The following ZSCAN12 variants were observed in gnomAD, a reference collection of about 807,000 sequenced individuals.
ZSCAN12 encodes the protein zinc finger and SCAN domain containing 12.
ZSCAN12 carries 18 observed loss-of-function variants against 23.4 expected under a neutral mutation model. The observed-to-expected ratio is 0.77, with a 90% confidence interval of 0.53 to 1.14. ZSCAN12 has a LOEUF of 1.14. Ranked by LOEUF, ZSCAN12 falls within the 50% of genes most tolerant of loss-of-function variation. The pLI is 0.00. For synonymous variants in ZSCAN12, 186 were observed against 253.4 expected (o/e 0.73, Z 2.53); for missense variants, 650 against 735.0 (o/e 0.88, Z 1.34).
chr6:28,390,858 A>G lies in ZSCAN12; in HGVS notation c.1432T>C (p.Phe478Leu), dbSNP rs1760785792. The change falls in exon 4 of 4, where the codon TTT becomes CTT. Residue 478 changes from phenylalanine to leucine, a missense_variant. Physicochemically the swap from Phe to Leu is conservative, Grantham distance 22. Transcript: ENST00000684592. The part of the protein sequence containing the change: ...PYKCDVCEKA[F>L]IQRTSLTEHQ... ...TCTGTAAGACTTGTCCTTTGAATAA[A>G]GGCTTTTTCACATACGTCACATTTG... 2 of 1,582,752 alleles carry G rather than the reference A, an allele frequency of 1.3e-6. No individual in the cohort carries two copies. Among genetic ancestry groups the G allele is most frequent in the African/African-American group, 1.4e-5 (1 of 74,020 alleles).
intron 2 of ZSCAN12, among the ~76,000 whole-genome samples, 192 bp downstream of exon 2, chr6:28,397,812 T>C (rs116802431): frequency 5.7e-4 from 87 of 152,176 alleles, no homozygotes; most frequent in African/African-American, 2.0e-3. Context: ...AATAGAGAAA[T>C]ATAAAATCCT....
rs1188962288 is a variant in ZSCAN12 at position 28,389,926 on chromosome 6, T to C, written c.*528A>G. Among the ~76,000 whole-genome samples the C allele has an allele frequency of 1.3e-5, 2 of 152,240 alleles. No homozygotes were observed. Among genetic ancestry groups the C allele is most frequent in the African/African-American group, 4.8e-5 (2 of 41,464 alleles). On this transcript the variant is annotated 3_prime_UTR_variant, in exon 4 of 4. Transcript: ENST00000684592. ...CCAAGCTGTTTCCAACTTAATGCTATTGATTGCCCAATTTGCACGAACCTT... is the reference window on the plus strand; with the variant it reads ...CCAAGCTGTTTCCAACTTAATGCTACTGATTGCCCAATTTGCACGAACCTT...
chr6:28,382,599 T>C (rs997149837), downstream of ZSCAN12: 4 of 1,551,488 alleles, frequency 2.6e-6, no homozygotes, highest in South Asian at 1.2e-5. Flanking sequence ...TCCTTGTAGC[T>C]GGTCTTCTTC....
At chr6:28,384,521 T>C (rs1253344850), downstream of ZSCAN12, among the ~76,000 whole-genome samples, 2 of 152,170 alleles carry the variant, frequency 1.3e-5, no homozygotes, top group Non-Finnish European at 2.9e-5. Flanking sequence ...ACCTAAATGG[T>C]GTTTTTAACG....
At chr6:28,395,870 T>C (rs1761082729) in intron 2 of ZSCAN12, among the ~76,000 whole-genome samples, 1 of 152,242 alleles carries the variant, frequency 6.6e-6, no homozygotes, top group South Asian at 2.1e-4. Context: ...ATTTCTCCTG[T>C]AAATGTCACC....
Position 28,391,814 on chromosome 6 carries a change from T to A in ZSCAN12, c.548-72A>T. ...TCCATACATTTTAATATTAAGCAGC[T>A]GTTTAGAAATAAAAAATGCAAGAGT... is the stretch of plus-strand genomic sequence containing the variant. On this transcript the variant is annotated intron_variant, in intron 3 of 3. Transcript: ENST00000684592. This position sits in a 1 kb window ranked among gnomAD's most constrained non-coding sequence, Gnocchi z 4.1. The A allele has an allele frequency of 8.0e-7, 1 of 1,257,520 alleles. No individual in the cohort carries two copies. Among genetic ancestry groups the A allele is most frequent in the Non-Finnish European group, 1.1e-6 (1 of 941,556 alleles). The allele number at this position is 1,257,520 out of a possible 1,614,324, so 77.9% of individuals were successfully genotyped here. A position where few individuals can be genotyped will look rare whatever the true frequency, so the allele number is the denominator to read the frequency against.
chr6:28,398,438 T>A lies in ZSCAN12; in HGVS notation c.-33A>T. On this transcript the variant is annotated 5_prime_UTR_variant, in exon 2 of 4. Transcript: ENST00000684592. ...GTGCTAGAACTACCGGTGTTTCAAG[T>A]AAGATCTCACCTGGAAACTGTATTC... 1 of 1,502,290 alleles carries A rather than the reference T, an allele frequency of 6.7e-7. No individual in the cohort carries two copies. Among genetic ancestry groups the A allele is most frequent in the African/African-American group, 1.4e-5 (1 of 71,630 alleles). The allele number at this position is 1,502,290 out of a possible 1,614,324, so 93.1% of individuals were successfully genotyped here. A position where few individuals can be genotyped will look rare whatever the true frequency, so the allele number is the denominator to read the frequency against.
chr6:28,391,002 CA>C lies in ZSCAN12; in HGVS notation c.1287del (p.Val430PhefsTer196). 1 of 1,556,388 alleles carries C rather than the reference CA, an allele frequency of 6.4e-7. No homozygotes were observed. Among genetic ancestry groups the C allele is most frequent in the Non-Finnish European group, 8.7e-7 (1 of 1,149,474 alleles). On this transcript the variant is annotated frameshift_variant, in exon 4 of 4. Coordinates refer to ENST00000684592, the MANE Select transcript of ZSCAN12 (RefSeq NM_001163391.2). LOFTEE classifies it low-confidence loss of function (END_TRUNC). This position sits in a 1 kb window ranked among gnomAD's most constrained non-coding sequence, Gnocchi z 4.1. The part of the protein sequence containing the change: ...CGKAFVYNSS[L>X]VSHQEIHHKE... ...TTGTGGTGGATTTCCTGATGGGAAA[CA>C]AGGGATGAGTTATAAACAAAGGCTT...
At chr6:28,382,711 T>G, downstream of ZSCAN12, 1 of 1,439,668 alleles carries the variant, frequency 6.9e-7, no homozygotes, top group Non-Finnish European at 9.1e-7. Context: ...AACGGAACTC[T>G]GTCAGGAAGG....
At chr6:28,382,471 C>G, downstream of ZSCAN12, 1 of 1,548,140 alleles carries the variant, frequency 6.5e-7, no homozygotes. Context: ...AGCCTTCTTC[C>G]TTTACCATCA....
downstream of ZSCAN12, among the ~76,000 whole-genome samples, chr6:28,384,731 TCATA>T (rs1412587469): frequency 1.3e-5 from 2 of 152,132 alleles, no homozygotes; most frequent in Non-Finnish European, 2.9e-5. Context: ...ACAAAAATAT[TCATA>T]CATACTTTTT....
rs773837811 is a variant in ZSCAN12 at position 28,392,949 on chromosome 6, G to T, written c.500C>A (p.Ala167Asp). ...TTCTGGAGATTCATACTTTGGCTGG[G>T]CTTTCATGGACTGGAGGGACATACT... The part of the protein sequence containing the change: ...EPSMSLQSMK[A>D]QPKYESPELE... The change falls in exon 3 of 4, where the codon GCC becomes GAC. Residue 167 changes from alanine to aspartate, a missense_variant. By Grantham distance (126) the Ala-to-Asp change is moderately radical. Coordinates refer to ENST00000684592, the MANE Select transcript of ZSCAN12 (RefSeq NM_001163391.2). 4.5e-6 allele frequency: 7 copies of T among 1,552,180 alleles called. No homozygotes were observed. Among genetic ancestry groups the T allele is most frequent in the Non-Finnish European group, 6.1e-6 (7 of 1,147,086 alleles).
chr6:28,384,388 C>A (rs905020028), downstream of ZSCAN12, among the ~76,000 whole-genome samples: 1 of 152,148 alleles, frequency 6.6e-6, no homozygotes, highest in Admixed American at 6.5e-5. Context: ...CTTGGGACTT[C>A]CAGGAGCAGG....
downstream of ZSCAN12, chr6:28,381,566 C>T (rs543445757): frequency 2.0e-5 from 3 of 152,186 alleles, no homozygotes; most frequent in South Asian, 2.1e-4. Context: ...TCCTACTTAA[C>T]GAATCAGGTA....
intron 1 of ZSCAN12, among the ~76,000 whole-genome samples, chr6:28,398,978 G>A (rs1761278633): frequency 6.6e-6 from 1 of 151,162 alleles, no homozygotes; most frequent in Non-Finnish European, 1.5e-5. Context: ...AAAGACTGAG[G>A]AAAGGTGCCA....
chr6:28,384,944 G>A lies in ZSCAN12; in HGVS notation c.*5510C>T, dbSNP rs778648233. On this transcript the variant is annotated 3_prime_UTR_variant, in exon 4 of 4. Coordinates refer to ENST00000684592, the MANE Select transcript of ZSCAN12 (RefSeq NM_001163391.2). The stretch of plus-strand genomic sequence containing the variant: ...GGAAGAGATTCAATTAAAGGCTATC[G>A]AATGATTATGTCTAGGTTGAACAAC... Among the ~76,000 whole-genome samples the A allele has an allele frequency of 2.0e-5, 3 of 152,128 alleles. No homozygotes were observed. Among genetic ancestry groups the A allele is most frequent in the Non-Finnish European group, 4.4e-5 (3 of 68,020 alleles).
At chr6:28,397,911 A>C in intron 2 of ZSCAN12, 93 bp downstream of exon 2, 1 of 1,417,312 alleles carries the variant, frequency 7.1e-7, no homozygotes, top group Non-Finnish European at 9.3e-7. Flanking sequence ...AACTGTCAAA[A>C]ACATGCTTTG....
chr6:28,383,897 G>T (rs530393934), downstream of ZSCAN12, among the ~76,000 whole-genome samples: 2 of 152,324 alleles, frequency 1.3e-5, no homozygotes, highest in East Asian at 3.9e-4. Context: ...GGCATCTAGA[G>T]ACAATGCATT....
chr6:28,379,332 T>G (rs1427058089), exon 5 of ZSCAN12: 3 of 152,236 alleles, frequency 2.0e-5, no homozygotes, highest in South Asian at 4.1e-4. Context: ...CCGGGCATGG[T>G]GGCTCATGCC....
Sources: gnomAD v4.1 joint callset for allele counts (sites outside exome capture counted in the v4.1 genomes callset) on GRCh38, gnomAD v4.1.1 for gene constraint, Gnocchi (gnomAD v3.1) non-coding constraint, MANE v1.5 for transcripts, NCBI Gene and HGNC (gene_info 2026-07-23, HGNC 2026-07-21) for gene names.